Variants in ARHGAP31 observed in about 807,000 individuals in gnomAD.
ARHGAP31 encodes Rho GTPase activating protein 31.
ARHGAP31 carries 34 observed loss-of-function variants against 113.9 expected under a neutral mutation model. That is an observed-to-expected ratio of 0.30 (90% CI 0.23 to 0.40). ARHGAP31 has a LOEUF of 0.40. Among genes scored for constraint, ARHGAP31 ranks in the 10% least tolerant of loss-of-function variants. The pLI is 1.00. For missense variants in ARHGAP31, 1,548 were observed against 1,767.1 expected (o/e 0.88, Z 2.22); for synonymous variants, 650 against 684.8 (o/e 0.95, Z 0.79).
At chr3:119,321,905 A>AG (rs1278697901) in intron 1 of ARHGAP31, among the ~76,000 whole-genome samples, 1 of 152,194 alleles carries the variant, frequency 6.6e-6, no homozygotes, top group East Asian at 1.9e-4. Flanking sequence ...TGCCCGCCTC[A>AG]GCCTCCCAAA....
At chr3:119,311,646 C>G (rs966095765) in intron 1 of ARHGAP31, among the ~76,000 whole-genome samples, 1 of 152,070 alleles carries the variant, frequency 6.6e-6, no homozygotes, top group African/African-American at 2.4e-5. Flanking sequence ...AATAGAGTGG[C>G]GATTATGGGA....
rs1205425574 is a variant in ARHGAP31 at position 119,402,358 on chromosome 3, C to G, written c.1606C>G (p.Pro536Ala). Residue 536 changes from proline (P) to alanine (A), a missense_variant, in exon 10 of 12, where the codon CCA becomes GCA. Physicochemically the swap from Pro to Ala is conservative, Grantham distance 27 (BLOSUM62 -1). Transcript: ENST00000264245. ...TCATGGATCAGAGAGCGGAGGCTGG[C>G]CAGAAGAAGAGAAACCGCTGGGAGC... ...SFHGSESGGW[P>A]EEEKPLGAET... 1.2e-6 allele frequency: 2 copies of G among 1,613,574 alleles called. No individual in the cohort carries two copies. The highest frequency in any genetic ancestry group is 1.7e-6 in the Non-Finnish European group (2 of 1,180,044).
At chr3:119,352,826 C>T (rs888262123) in intron 1 of ARHGAP31, among the ~76,000 whole-genome samples, 1 of 152,130 alleles carries the variant, frequency 6.6e-6, no homozygotes, top group Non-Finnish European at 1.5e-5. Context: ...AGATAGAATG[C>T]AATCTTCCCA....
In ARHGAP31 at chr3:119,294,623, T is replaced by C; in HGVS notation, c.-282T>C. On this transcript the variant is annotated 5_prime_UTR_variant, in exon 1 of 12. Coordinates refer to ENST00000264245, the MANE Select transcript of ARHGAP31 (RefSeq NM_020754.4). ...AGGAGCCTGTGAAAGTCCCTAGGAC[T>C]CCAAGTGAGGAAGTGACACTCCCAG... is the stretch of plus-strand genomic sequence containing the variant. The C allele has an allele frequency of 1.8e-6, 1 of 557,756 alleles. No individual in the cohort carries two copies. Among genetic ancestry groups the C allele is most frequent in the Non-Finnish European group, 3.1e-6 (1 of 320,918 alleles). The allele number at this position is 557,756 out of a possible 1,614,324, so 34.6% of individuals were successfully genotyped here.
rs1027476366 is a variant in ARHGAP31, at chr3:119,418,042, A to ATCTCTCTCCTCCCTCTCCCTC, written c.*1779_*1799dup. ...TATTCCTCTCTCTCTCTGTCTCTCT[A>ATCTCTCTCCTCCCTCTCCCTC]TCTCTCTCCTCCCTCTCCCTCCCTC... is the stretch of plus-strand genomic sequence containing the variant. On this transcript the variant is annotated 3_prime_UTR_variant, in exon 12 of 12. Transcript: ENST00000264245. The ATCTCTCTCCTCCCTCTCCCTC allele has an allele frequency of 1.3e-5, 2 of 151,412 alleles. No homozygotes were observed. The highest frequency in any genetic ancestry group is 1.3e-4 in the Admixed American group (2 of 15,218). The allele number at this position is 151,412 out of a possible 1,614,324, so 9.4% of individuals were successfully genotyped here. A position where few individuals can be genotyped will look rare whatever the true frequency, so the allele number is the denominator to read the frequency against.
At chr3:119,389,026 C>T (rs891155187) in intron 6 of ARHGAP31, among the ~76,000 whole-genome samples, 5 of 151,838 alleles carry the variant, frequency 3.3e-5, no homozygotes, top group Non-Finnish European at 5.9e-5. Flanking sequence ...CTTGGCATGG[C>T]GGTGGGTGCC....
intron 1 of ARHGAP31, among the ~76,000 whole-genome samples, chr3:119,332,806 C>G (rs1184208670): frequency 1.3e-5 from 2 of 152,124 alleles, no homozygotes; most frequent in African/African-American, 4.8e-5. Flanking sequence ...TTGTCATGGT[C>G]TTTGTCCCTG....
In ARHGAP31 at chr3:119,416,060, A is replaced by C. The variant is rs376461659; in HGVS notation, c.4131A>C (p.Arg1377Ser). 8.1e-6 allele frequency: 13 copies of C among 1,614,054 alleles called. No homozygotes were observed. In the African/African-American group the frequency reaches 1.7e-4, roughly 22 times the overall value. Reference protein sequence around the residue: ...TDSKVLLSPIRSPTQTVSPGL... With the variant: ...TDSKVLLSPISSPTQTVSPGL... ...CCAAGGTCCTGCTGTCCCCTATCAG[A>C]AGTCCCACCCAGACAGTTTCCCCTG... Residue 1377 changes from arginine (R) to serine (S), a missense_variant, in exon 12 of 12, where the codon AGA (arginine) becomes AGC (serine). Arg to Ser is a moderately radical substitution (Grantham distance 110). Coordinates refer to ENST00000264245, the MANE Select transcript of ARHGAP31 (RefSeq NM_020754.4).
At chr3:119,333,648 C>T (rs1466237096) in intron 1 of ARHGAP31, among the ~76,000 whole-genome samples, 1 of 152,202 alleles carries the variant, frequency 6.6e-6, no homozygotes, top group African/African-American at 2.4e-5. Flanking sequence ...ACACTTATTA[C>T]CTCCATTGAC....
intron 1 of ARHGAP31, among the ~76,000 whole-genome samples, chr3:119,337,267 T>C (rs1189480580): frequency 6.6e-6 from 1 of 152,204 alleles, no homozygotes; most frequent in Admixed American, 6.5e-5. Context: ...TTCATGGTCT[T>C]ACAGACGTCA....
chr3:119,299,006 C>G (rs2079557122), intron 1 of ARHGAP31: 1 of 190,464 alleles, frequency 5.3e-6, no homozygotes, highest in African/African-American at 2.3e-5. Context: ...CACCAAAGCC[C>G]TTGTAAGGAG....
intron 8 of ARHGAP31, among the ~76,000 whole-genome samples, chr3:119,396,453 C>A (rs528803450): frequency 1.4e-4 from 21 of 152,308 alleles, no homozygotes; most frequent in African/African-American, 5.1e-4. Context: ...TAAGTGGCTC[C>A]CTGTGGCCTT....
chr3:119,384,087 A>G (rs938686391), intron 6 of ARHGAP31, among the ~76,000 whole-genome samples: 1 of 152,194 alleles, frequency 6.6e-6, no homozygotes, highest in African/African-American at 2.4e-5. Context: ...ATAAAAAACC[A>G]TATCTGCAAT....
chr3:119,348,289 A>G (rs2107615557), intron 1 of ARHGAP31, among the ~76,000 whole-genome samples: 1 of 152,378 alleles, frequency 6.6e-6, no homozygotes, highest in Non-Finnish European at 1.5e-5. Context: ...GAAATAAAGT[A>G]CACAATAAAG....
chr3:119,347,107 A>G (rs1273310045), intron 1 of ARHGAP31, among the ~76,000 whole-genome samples: 1 of 151,752 alleles, frequency 6.6e-6, no homozygotes, highest in Non-Finnish European at 1.5e-5. Flanking sequence ...CATCCCTTCA[A>G]AGGCTCACTG....
intron 1 of ARHGAP31, among the ~76,000 whole-genome samples, chr3:119,352,249 G>A (rs2080116113): frequency 6.6e-6 from 1 of 152,122 alleles, no homozygotes; most frequent in Admixed American, 6.5e-5. Flanking sequence ...CACAGCATTT[G>A]AATCTTTTTC....
chr3:119,363,263 A>G (rs2080225947), intron 1 of ARHGAP31, among the ~76,000 whole-genome samples: 1 of 152,152 alleles, frequency 6.6e-6, no homozygotes, highest in South Asian at 2.1e-4. Flanking sequence ...GTTTTCATTT[A>G]TCTATCTATT....
chr3:119,402,893 C>G (rs1208852855), intron 10 of ARHGAP31, among the ~76,000 whole-genome samples: 3 of 152,176 alleles, frequency 2.0e-5, no homozygotes, highest in Admixed American at 2.0e-4. Flanking sequence ...TGGCTAGCAA[C>G]CCTAGCAACG....
intron 1 of ARHGAP31, among the ~76,000 whole-genome samples, chr3:119,345,296 T>A (rs956565233): frequency 5.9e-5 from 9 of 152,148 alleles, no homozygotes; most frequent in South Asian, 4.2e-4. Flanking sequence ...CGGTGGGATT[T>A]AAAAAAAATT....
Sources: gnomAD v4.1 joint callset for allele counts (sites outside exome capture counted in the v4.1 genomes callset) on GRCh38, gnomAD v4.1.1 for gene constraint, MANE v1.5 for transcripts, NCBI Gene and HGNC (gene_info 2026-07-23, HGNC 2026-07-21) for gene names.